The following TBC1D12 variants were observed in gnomAD, a reference collection of about 807,000 sequenced individuals.
The protein encoded by TBC1D12 is TBC1 domain family member 12.
In TBC1D12, 56 loss-of-function variants were observed where a neutral mutation model predicts 86.7. That is an observed-to-expected ratio of 0.65 (90% CI 0.52 to 0.81). The LOEUF (loss-of-function observed/expected upper bound fraction) is 0.81, where lower values mean the gene tolerates loss of function less well. Ranked by LOEUF, TBC1D12 falls within the 30% of genes least tolerant of loss-of-function variation. The pLI, the probability that TBC1D12 is intolerant of heterozygous loss-of-function variation, is 0.00. For synonymous variants in TBC1D12, 421 were observed against 411.7 expected (o/e 1.02, Z -0.27); for missense variants, 1,023 against 1,038.8 (o/e 0.98, Z 0.21).
intron 1 of TBC1D12, among the ~76,000 whole-genome samples, chr10:94,416,524 C>G (rs868763265): frequency 1.3e-5 from 2 of 152,066 alleles, no homozygotes; most frequent in African/African-American, 4.8e-5. Context: ...GCTACAGAAC[C>G]CTTTTTAGTT....
chr10:94,487,821 C>T (rs966964119), intron 3 of TBC1D12, among the ~76,000 whole-genome samples: 10 of 151,090 alleles, frequency 6.6e-5, no homozygotes, highest in Admixed American at 2.0e-4. Flanking sequence ...CTCAGACTCC[C>T]GAGTAGCTGG....
In TBC1D12 at chr10:94,465,516, C is replaced by T. The variant is rs534095848; in HGVS notation, c.1096-9152C>T. 5.9e-5 allele frequency among the ~76,000 whole-genome samples: 9 copies of T among 151,948 alleles called. No homozygotes were observed. In the South Asian group the frequency reaches 1.0e-3, roughly 18 times the overall value. The stretch of plus-strand genomic sequence containing the variant: ...CAAAAATTAGCTGAGCATGGTGGCA[C>T]GTGCCTGTAGTCTCAGCTACTCGGG... On this transcript the variant is annotated intron_variant, in intron 2 of 12. Coordinates refer to ENST00000225235, the MANE Select transcript of TBC1D12 (RefSeq NM_015188.2).
intron 1 of TBC1D12, among the ~76,000 whole-genome samples, chr10:94,425,036 G>C (rs752236188): frequency 3.3e-5 from 5 of 152,212 alleles, no homozygotes; most frequent in Non-Finnish European, 7.3e-5. Flanking sequence ...CCTGCTTCTA[G>C]TATGAGAAAG....
At chr10:94,408,532 C>T (rs2054886667) in intron 1 of TBC1D12, among the ~76,000 whole-genome samples, 1 of 152,042 alleles carries the variant, frequency 6.6e-6, no homozygotes, top group Non-Finnish European at 1.5e-5. Flanking sequence ...ATGGAAAAAT[C>T]TAAATTCCTA....
At chr10:94,411,520 C>T (rs1352815749) in intron 1 of TBC1D12, among the ~76,000 whole-genome samples, 1 of 151,984 alleles carries the variant, frequency 6.6e-6, no homozygotes, top group Non-Finnish European at 1.5e-5. Flanking sequence ...GCCAGGAGTT[C>T]CAGCCTGGGC....
chr10:94,464,075 TG>T (rs2055770757), intron 2 of TBC1D12, among the ~76,000 whole-genome samples: 2 of 152,204 alleles, frequency 1.3e-5, no homozygotes, highest in African/African-American at 4.8e-5. Context: ...CACTAGAGCT[TG>T]TTTCCAGTTA....
chr10:94,504,043 T>C (rs1300396015), intron 6 of TBC1D12, among the ~76,000 whole-genome samples: 2 of 152,374 alleles, frequency 1.3e-5, no homozygotes, highest in East Asian at 3.9e-4. Context: ...TCTCCAAATA[T>C]ACACAGAGAT....
At chr10:94,521,788 C>T (rs565030522) in intron 9 of TBC1D12, among the ~76,000 whole-genome samples, 167 bp from the exon 10 acceptor site, 15 of 152,146 alleles carry the variant, frequency 9.9e-5, no homozygotes, top group East Asian at 5.8e-4. Flanking sequence ...AGGGAGATTT[C>T]GTAATCATTA....
chr10:94,468,457 A>G (rs992142291), intron 2 of TBC1D12, among the ~76,000 whole-genome samples: 2 of 152,166 alleles, frequency 1.3e-5, no homozygotes, highest in Admixed American at 1.3e-4. Context: ...ATAGGATTCT[A>G]AGTTAATAGA....
chr10:94,459,119 GAGAGCTGATTGGTCC>G (rs2134118211), intron 2 of TBC1D12, among the ~76,000 whole-genome samples: 1 of 80,768 alleles, frequency 1.2e-5, no homozygotes, highest in South Asian at 4.0e-4. Context: ...CCATTTTACA[GAGAGCTGATTGGTCC>G]ATTTTGACAG....
chr10:94,447,335 C>G (rs7073903), intron 2 of TBC1D12, among the ~76,000 whole-genome samples: 2 of 151,960 alleles, frequency 1.3e-5, no homozygotes, highest in East Asian at 3.9e-4. Flanking sequence ...TATATACACA[C>G]ACACACATCT....
intron 2 of TBC1D12, among the ~76,000 whole-genome samples, chr10:94,444,659 T>A (rs572803327): frequency 6.6e-6 from 1 of 152,276 alleles, no homozygotes; most frequent in Admixed American, 6.5e-5. Flanking sequence ...ACTGGTTGGA[T>A]AATTATCTTT....
intron 1 of TBC1D12, among the ~76,000 whole-genome samples, chr10:94,433,602 T>G (rs904935422): frequency 6.6e-6 from 1 of 152,220 alleles, no homozygotes; most frequent in Non-Finnish European, 1.5e-5. Flanking sequence ...TAGGTAAAGC[T>G]ATAGAGACAT....
intron 1 of TBC1D12, among the ~76,000 whole-genome samples, chr10:94,418,579 T>TAA (rs1491498269): frequency 6.7e-6 from 1 of 149,910 alleles, no homozygotes; most frequent in African/African-American, 2.4e-5. Context: ...ATTATTATTA[T>TAA]TATATTATTT....
intron 11 of TBC1D12, among the ~76,000 whole-genome samples, chr10:94,528,011 C>T (rs1183175192): frequency 1.3e-5 from 2 of 151,660 alleles, no homozygotes; most frequent in African/African-American, 4.8e-5. Flanking sequence ...TAGTCTAATG[C>T]CTCCAGCTTT....
Position 94,403,596 on chromosome 10 carries a change from G to A in TBC1D12, c.971+12G>A. On this transcript the variant is annotated intron_variant, in intron 1 of 12. Coordinates refer to ENST00000225235, the MANE Select transcript of TBC1D12 (RefSeq NM_015188.2). ...GACTTCTTCACCAGGTACAGCGCAG[G>A]CTGCATGGGACTCGGGGCGGGTCCG... 1.4e-6 allele frequency: 2 copies of A among 1,447,460 alleles called. No individual in the cohort carries two copies. The highest frequency in any genetic ancestry group is 3.1e-5 in the South Asian group (2 of 65,528). The allele number at this position is 1,447,460 out of a possible 1,614,324, so 89.7% of individuals were successfully genotyped here. A position where few individuals can be genotyped will look rare whatever the true frequency, so the allele number is the denominator to read the frequency against.
chr10:94,435,444 G>A (rs1212210461), intron 1 of TBC1D12, among the ~76,000 whole-genome samples: 1 of 152,128 alleles, frequency 6.6e-6, no homozygotes, highest in Non-Finnish European at 1.5e-5. Flanking sequence ...TTTAGTTTGT[G>A]AGCTCCCTTA....
rs1363582739 is a variant in TBC1D12 at position 94,500,326 on chromosome 10, TG to T, written c.1519+1del. On this transcript the variant is annotated frameshift_variant and splice_region_variant, in exon 6 of 13. Coordinates refer to ENST00000225235, the MANE Select transcript of TBC1D12 (RefSeq NM_015188.2). LOFTEE classifies it high-confidence loss of function. ...TAGGAAATGAACTAAATATCACTCC[TG>T]GTTTGTATTCTACGTTCAGTTATTC... ...AVGNELNITP[E>X]LYEIFLSRAK... The T allele has an allele frequency of 6.2e-7, 1 of 1,612,598 alleles. No homozygotes were observed. Among genetic ancestry groups the T allele is most frequent in the Non-Finnish European group, 8.5e-7 (1 of 1,179,176 alleles).
At chr10:94,438,457 G>A (rs1273947199) in intron 1 of TBC1D12, among the ~76,000 whole-genome samples, 1 of 152,056 alleles carries the variant, frequency 6.6e-6, no homozygotes, top group East Asian at 1.9e-4. Context: ...GCTGTGGAGA[G>A]TAGTGAAACT....
Sources: allele counts gnomAD v4.1 joint callset (sites outside exome capture counted in the v4.1 genomes callset), GRCh38; gene constraint gnomAD v4.1.1; transcripts MANE v1.5; gene names NCBI Gene and HGNC (gene_info 2026-07-23, HGNC 2026-07-21).